Variants in ZNF398 observed in about 807,000 individuals in gnomAD.
ZNF398 encodes zinc finger protein 398.
In ZNF398, 18 loss-of-function variants were observed where a neutral mutation model predicts 41.9. That is an observed-to-expected ratio of 0.43 (90% CI 0.30 to 0.64). The LOEUF (loss-of-function observed/expected upper bound fraction) is 0.64. Ranked by LOEUF, ZNF398 falls within the 30% of genes least tolerant of loss-of-function variation. ZNF398 has a pLI of 0.14. For synonymous variants in ZNF398, 260 were observed against 308.8 expected (o/e 0.84, Z 1.66); for missense variants, 669 against 822.8 (o/e 0.81, Z 2.29).
At chr7:149,146,726 T>C (rs1585511037), upstream of ZNF398, among the ~76,000 whole-genome samples, 1 of 150,312 alleles carries the variant, frequency 6.7e-6, no homozygotes, top group East Asian at 2.0e-4. Flanking sequence ...GGTACATGCC[T>C]GTAATCCCAG....
chr7:149,173,450 C>T (rs2129521585), intron 4 of ZNF398, among the ~76,000 whole-genome samples: 1 of 152,190 alleles, frequency 6.6e-6, no homozygotes, highest in Middle Eastern at 3.4e-3. Flanking sequence ...CTAGCTGTGT[C>T]ACCCAGGCTG....
At chr7:149,160,328 G>A (rs1312572714) in intron 2 of ZNF398, among the ~76,000 whole-genome samples, 1 of 152,152 alleles carries the variant, frequency 6.6e-6, no homozygotes, top group African/African-American at 2.4e-5. Context: ...CTACTTGGGA[G>A]GCTGAGGCAG....
chr7:149,178,650 G>A lies in ZNF398; in HGVS notation c.778G>A (p.Glu260Lys), dbSNP rs1795521383. 1 of 1,611,562 alleles carries A rather than the reference G, an allele frequency of 6.2e-7. No individual in the cohort carries two copies. Among genetic ancestry groups the A allele is most frequent in the African/African-American group, 1.3e-5 (1 of 74,670 alleles). The change falls in exon 6 of 6, where the codon GAA becomes AAA. Residue 260 changes from glutamate (E) to lysine (K), a missense_variant and splice_region_variant. Physicochemically the swap from Glu to Lys is moderately conservative, Grantham distance 56. Transcript: ENST00000475153. Reference protein sequence around the residue: ...SDVYKSTYADEELVIKAEGLA... With the variant: ...SDVYKSTYADKELVIKAEGLA... ...AACTCTGGAGTCTTTTCTTTCAGAT[G>A]AAGAGCTTGTCATCAAAGCTGAAGG... is the stretch of plus-strand genomic sequence containing the variant.
At chr7:149,154,361 T>A in intron 2 of ZNF398, 21 bp downstream of exon 2, 1 of 1,578,034 alleles carries the variant, frequency 6.3e-7, no homozygotes, top group Non-Finnish European at 8.6e-7. Context: ...CATTTCTAGA[T>A]GTAAAGTGGT....
intron 4 of ZNF398, among the ~76,000 whole-genome samples, chr7:149,168,648 A>G (rs1795272688): frequency 6.6e-6 from 1 of 151,952 alleles, no homozygotes; most frequent in African/African-American, 2.4e-5. Flanking sequence ...GGCTCACTGC[A>G]ACCTCCGCCT....
rs59895177 is a variant in ZNF398, at chr7:149,148,863, C to CTTTTTTTTTTTTTTTTTTT, written c.24+1107_24+1125dup. On this transcript the variant is annotated intron_variant, in intron 1 of 5. Transcript: ENST00000475153. ...TTTATGCACGGACCTTTTTCTTTGTCTTTTTTTTTTTTTTTTTTTTTTTTT... is the reference window on the plus strand; with the variant it reads ...TTTATGCACGGACCTTTTTCTTTGTCTTTTTTTTTTTTTTTTTTTTTTTTTTTTTTTTTTTTTTTTTTTT... Among the ~76,000 whole-genome samples the CTTTTTTTTTTTTTTTTTTT allele has an allele frequency of 3.2e-4, 20 of 63,282 alleles. 4 individuals are homozygous for CTTTTTTTTTTTTTTTTTTT. Among genetic ancestry groups the CTTTTTTTTTTTTTTTTTTT allele is most frequent in the African/African-American group, 9.0e-4 (13 of 14,464 alleles). 41.5% of individuals were successfully genotyped at this position (63,282 alleles called of 152,430 possible).
At position 149,179,972 on chromosome 7, in the gene ZNF398, C is replaced by G; in HGVS notation, c.*171C>G. The G allele has an allele frequency of 1.7e-6, 1 of 589,664 alleles. No homozygotes were observed. Among genetic ancestry groups the G allele is most frequent in the Non-Finnish European group, 2.8e-6 (1 of 361,962 alleles). The allele number at this position is 589,664 out of a possible 1,614,324, so 36.5% of individuals were successfully genotyped here. ...CATGCTTGTGTTTTGGAATTTCACA[C>G]CCTTACAAGAATACCACATTTTGAA... On this transcript the variant is annotated 3_prime_UTR_variant, in exon 6 of 6. Transcript: ENST00000475153. The surrounding 1 kb of genome is among the most constrained non-coding windows in gnomAD (Gnocchi z 6.1).
intron 2 of ZNF398, among the ~76,000 whole-genome samples, chr7:149,163,181 A>G (rs1026231637): frequency 1.3e-5 from 2 of 151,850 alleles, no homozygotes; most frequent in African/African-American, 4.8e-5. Flanking sequence ...TCAAACAATG[A>G]ACAAAATACC....
chr7:149,150,453 G>A (rs1414368211), intron 1 of ZNF398, among the ~76,000 whole-genome samples: 3 of 152,042 alleles, frequency 2.0e-5, no homozygotes, highest in Non-Finnish European at 2.9e-5. Context: ...ACAAAAATTA[G>A]CAGGGCATGG....
chr7:149,133,100 A>G (rs1443766952), intron 2 of ZNF398, among the ~76,000 whole-genome samples: 1 of 148,732 alleles, frequency 6.7e-6, no homozygotes, highest in African/African-American at 2.5e-5. Flanking sequence ...CTTTAGTGCA[A>G]CCTGTTTTAT....
Position 149,164,963 on chromosome 7 carries a change from G to A in ZNF398, c.421-1195G>A, listed in dbSNP as rs191242593. ...ACAAGAATTAGCGGTGTGTGGTGGC[G>A]GGTGCCCGTAATCCTGGCTACTTGG... On this transcript the variant is annotated intron_variant, in intron 2 of 5. Transcript: ENST00000475153. Among the ~76,000 whole-genome samples the A allele has an allele frequency of 6.0e-3, 916 of 151,960 alleles. 5 individuals are homozygous for A. The highest frequency in any genetic ancestry group is 8.7e-3 in the Non-Finnish European group (588 of 67,954).
chr7:149,179,084 C>G lies in ZNF398; in HGVS notation c.1212C>G (p.Ala404=). Residue 404 remains alanine (A), a synonymous_variant, in exon 6 of 6, where the codon GCC becomes GCG. Coordinates refer to ENST00000475153, the MANE Select transcript of ZNF398 (RefSeq NM_170686.3). This position sits in a 1 kb window ranked among gnomAD's most constrained non-coding sequence, Gnocchi z 6.1. ...CACCCCCCACCTGCCCACACTGTGC[C>G]AGGACTTTTACTCACCCATCAAGAC... The part of the protein sequence containing the change: ...SETPPTCPHC[A]RTFTHPSRLT... The G allele has an allele frequency of 6.2e-7, 1 of 1,614,052 alleles. No homozygotes were observed. The highest frequency in any genetic ancestry group is 8.5e-7 in the Non-Finnish European group (1 of 1,180,014).
intron 2 of ZNF398, among the ~76,000 whole-genome samples, chr7:149,141,548 G>A (rs1405499643): frequency 7.3e-6 from 1 of 136,990 alleles, no homozygotes; most frequent in African/African-American, 2.6e-5. Flanking sequence ...TCCGCCTCCC[G>A]AGTTAATGCC....
chr7:149,162,166 T>A (rs1585527745), intron 2 of ZNF398, among the ~76,000 whole-genome samples: 1 of 151,312 alleles, frequency 6.6e-6, no homozygotes, highest in East Asian at 1.9e-4. Flanking sequence ...GGACTACAGG[T>A]GTGCATTACC....
intron 4 of ZNF398, among the ~76,000 whole-genome samples, chr7:149,169,993 T>G (rs1277266094): frequency 6.6e-6 from 1 of 152,176 alleles, no homozygotes; most frequent in Non-Finnish European, 1.5e-5. Flanking sequence ...TCTTATAGGA[T>G]ATGCTTAATT....
At chr7:149,127,548 C>CAAAAAA (rs61080328) in intron 1 of ZNF398, among the ~76,000 whole-genome samples, 2,987 of 74,822 alleles carry the variant, frequency 0.04, 218 homozygotes, top group Non-Finnish European at 0.051. Flanking sequence ...ACTAAAAATA[C>CAAAAAA]AAAAAAAAAA....
chr7:149,163,344 A>C (rs941802539), intron 2 of ZNF398, among the ~76,000 whole-genome samples: 19 of 150,238 alleles, frequency 1.3e-4, no homozygotes, highest in Non-Finnish European at 2.5e-4. Flanking sequence ...AGCTGGGATT[A>C]CAGGCATGCG....
chr7:149,151,208 C>T, intron 1 of ZNF398: 1 of 1,199,328 alleles, frequency 8.3e-7, no homozygotes, highest in Non-Finnish European at 1.1e-6. Flanking sequence ...TTCCTCTAGG[C>T]ACGCTTACTA....
chr7:149,128,780 T>TAAAATAAAATAAAATAAAATAATATATA (rs71192757), intron 1 of ZNF398: 1 of 143,418 alleles, frequency 7.0e-6, no homozygotes, highest in Non-Finnish European at 1.5e-5. Context: ...TAAAATAAAA[T>TAAAATAAAATAAAATAAAATAATATATA]TATATATATA....
Sources: allele counts gnomAD v4.1 joint callset (sites outside exome capture counted in the v4.1 genomes callset), GRCh38; gene constraint gnomAD v4.1.1; non-coding constraint Gnocchi (gnomAD v3.1); transcripts MANE v1.5; gene names NCBI Gene and HGNC (gene_info 2026-07-23, HGNC 2026-07-21).